PARD3: variants seen among roughly 807,000 people sequenced by gnomAD.
PARD3 encodes the protein partitioning defective 3 homolog.
PARD3 carries 75 observed loss-of-function variants against 155.4 expected under a neutral mutation model. That is an observed-to-expected ratio of 0.48 (90% CI 0.40 to 0.58). PARD3 has a LOEUF of 0.58. Ranked by LOEUF, PARD3 falls within the 20% of genes least tolerant of loss-of-function variation. The probability of loss-of-function intolerance (pLI) is 0.00; values close to 1 mark genes in which losing one functional copy is unlikely to be tolerated. For missense variants in PARD3, 1,642 were observed against 1,721.7 expected (o/e 0.95, Z 0.82); for synonymous variants, 576 against 610.5 (o/e 0.94, Z 0.83).
At chr10:34,352,338 G>GCTCCCCTCTCCCCT (rs539459773) in intron 14 of PARD3, among the ~76,000 whole-genome samples, 32 of 151,266 alleles carry the variant, frequency 2.1e-4, no homozygotes, top group African/African-American at 6.3e-4. Context: ...ACTCTTTTTT[G>GCTCCCCTCTCCCCT]CTCCCCTCTC....
intron 2 of PARD3, among the ~76,000 whole-genome samples, chr10:34,587,409 A>T (rs565526263): frequency 1.3e-5 from 2 of 152,252 alleles, no homozygotes; most frequent in East Asian, 3.9e-4. Context: ...CTGACCCATG[A>T]GTTTTATAAT....
intron 2 of PARD3, among the ~76,000 whole-genome samples, chr10:34,649,033 G>A (rs2092928418): frequency 6.6e-6 from 1 of 152,164 alleles, no homozygotes; most frequent in Non-Finnish European, 1.5e-5. Flanking sequence ...CCTGAACTTT[G>A]ATGGATTTAT....
intron 5 of PARD3, among the ~76,000 whole-genome samples, chr10:34,415,867 T>C (rs997881271): frequency 6.6e-6 from 1 of 152,202 alleles, no homozygotes; most frequent in Non-Finnish European, 1.5e-5. Flanking sequence ...GTTTATCTTA[T>C]GGATATTATA....
At chr10:34,688,204 G>C (rs1003088000) in intron 2 of PARD3, among the ~76,000 whole-genome samples, 1 of 152,084 alleles carries the variant, frequency 6.6e-6, no homozygotes, top group Non-Finnish European at 1.5e-5. Context: ...ACTGGCCTGC[G>C]CAGGAACTGA....
chr10:34,791,323 C>T (rs938047712), intron 1 of PARD3, among the ~76,000 whole-genome samples: 2 of 152,174 alleles, frequency 1.3e-5, no homozygotes, highest in East Asian at 1.9e-4. Context: ...CCTCTCGATG[C>T]TCCACCACAC....
chr10:34,720,604 C>A (rs2094590221), intron 1 of PARD3, among the ~76,000 whole-genome samples: 1 of 151,994 alleles, frequency 6.6e-6, no homozygotes, highest in South Asian at 2.1e-4. Flanking sequence ...TCAAGACCAG[C>A]CTGACCAACA....
chr10:34,762,536 C>T (rs375635720), intron 1 of PARD3, among the ~76,000 whole-genome samples: 1 of 145,426 alleles, frequency 6.9e-6, no homozygotes, highest in Non-Finnish European at 1.5e-5. Context: ...CTTGAACTCC[C>T]GGACTCAAGC....
chr10:34,178,119 C>A lies in PARD3; in HGVS notation c.3420-46536G>T, dbSNP rs533814640. On this transcript the variant is annotated intron_variant, in intron 22 of 24. Coordinates refer to ENST00000374788, the MANE Select transcript of PARD3 (RefSeq NM_001184785.2). ...TAAGTAACCTAATTGGAATAACACA[C>A]TTTTGGCTGCAAATCTCTGAAAATC... Among the ~76,000 whole-genome samples, 23 of 152,290 alleles carry A rather than the reference C, an allele frequency of 1.5e-4. 1 individual carries two copies. The highest frequency in any genetic ancestry group is 5.5e-4 in the African/African-American group (23 of 41,556).
chr10:34,207,786 C>A (rs1951549224), intron 22 of PARD3, among the ~76,000 whole-genome samples: 1 of 152,164 alleles, frequency 6.6e-6, no homozygotes, highest in African/African-American at 2.4e-5. Flanking sequence ...GAAAACCCAG[C>A]ATGAATCTAG....
intron 3 of PARD3, among the ~76,000 whole-genome samples, chr10:34,507,026 T>C (rs1002385941): frequency 6.6e-5 from 10 of 152,190 alleles, no homozygotes; most frequent in African/African-American, 2.4e-4. Flanking sequence ...CAGCAGGGAA[T>C]ACACATCAGT....
chr10:34,532,262 G>A (rs755985278), intron 2 of PARD3, among the ~76,000 whole-genome samples: 3 of 151,160 alleles, frequency 2.0e-5, no homozygotes, highest in African/African-American at 4.9e-5. Flanking sequence ...TCCTTATCTC[G>A]CTACATAGTT....
At chr10:34,719,417 C>G (rs1363076146) in intron 1 of PARD3, among the ~76,000 whole-genome samples, 1 of 152,086 alleles carries the variant, frequency 6.6e-6, no homozygotes, top group Non-Finnish European at 1.5e-5. Flanking sequence ...CCTTCTCATC[C>G]CTCCAATCTT....
At chr10:34,703,898 T>C (rs10827393) in intron 1 of PARD3, among the ~76,000 whole-genome samples, 62,758 of 152,034 alleles carry the variant, frequency 0.41, 14,358 homozygotes, top group African/African-American at 0.6. Context: ...AGTATGAAGG[T>C]AGAAAAAAGA....
chr10:34,508,495 G>A (rs939817399), intron 3 of PARD3, among the ~76,000 whole-genome samples: 7 of 152,068 alleles, frequency 4.6e-5, no homozygotes, highest in African/African-American at 1.7e-4. Flanking sequence ...CTAAACCTGG[G>A]CTACCCTCAA....
At chr10:34,318,462 T>C (rs1473391869) in intron 19 of PARD3, among the ~76,000 whole-genome samples, 1 of 152,232 alleles carries the variant, frequency 6.6e-6, no homozygotes, top group African/African-American at 2.4e-5. Flanking sequence ...ACAGAATGGT[T>C]CGGCCTCTTC....
chr10:34,799,204 G>A (rs1842618822), intron 1 of PARD3, among the ~76,000 whole-genome samples: 1 of 152,178 alleles, frequency 6.6e-6, no homozygotes, highest in Admixed American at 6.5e-5. Flanking sequence ...ACCACACCCA[G>A]GTAATTTTTG....
At chr10:34,683,065 CAT>C (rs2093875543) in intron 2 of PARD3, among the ~76,000 whole-genome samples, 1 of 152,114 alleles carries the variant, frequency 6.6e-6, no homozygotes, top group South Asian at 2.1e-4. Context: ...AACTTAACCT[CAT>C]AATGAAATCA....
intron 19 of PARD3, among the ~76,000 whole-genome samples, chr10:34,328,562 G>A (rs1279235464): frequency 6.6e-6 from 1 of 152,114 alleles, no homozygotes; most frequent in Non-Finnish European, 1.5e-5. Context: ...AGGTGGTGGT[G>A]GGGGGAAGGT....
At chr10:34,345,239 C>G in intron 15 of PARD3, 1 of 985,192 alleles carries the variant, frequency 1.0e-6, no homozygotes, top group Non-Finnish European at 1.2e-6. Flanking sequence ...ATCTGACATC[C>G]TTTCAACTCT....
Sources: allele counts gnomAD v4.1 joint callset (sites outside exome capture counted in the v4.1 genomes callset), GRCh38; gene constraint gnomAD v4.1.1; transcripts MANE v1.5; gene names NCBI Gene and HGNC (gene_info 2026-07-23, HGNC 2026-07-21).